Variants in STRBP observed in about 807,000 individuals in gnomAD.
STRBP encodes spermatid perinuclear RNA binding protein.
A neutral mutation model predicts 80.1 loss-of-function variants in STRBP; 13 were observed. The ratio of observed to expected loss-of-function variants is 0.16; its 90% CI spans 0.11 to 0.26. STRBP has a LOEUF of 0.26. Ranked by LOEUF, STRBP falls within the 10% of genes least tolerant of loss-of-function variation. The pLI, the probability that STRBP is intolerant of heterozygous loss-of-function variation, is 1.00. For synonymous variants in STRBP, 284 were observed against 291.2 expected (o/e 0.98, Z 0.25); for missense variants, 485 against 815.2 (o/e 0.59, Z 4.93).
intron 1 of STRBP, among the ~76,000 whole-genome samples, chr9:123,260,451 A>ATG (rs2041136777): frequency 6.6e-6 from 1 of 152,214 alleles, no homozygotes. Context: ...GCACAAAATA[A>ATG]CTTCATGAGG....
chr9:123,157,153 T>C (rs976692118), intron 11 of STRBP, among the ~76,000 whole-genome samples: 2 of 152,190 alleles, frequency 1.3e-5, no homozygotes, highest in Admixed American at 6.5e-5. Flanking sequence ...AACCTACATT[T>C]TTTCTGCTGA....
intron 2 of STRBP, among the ~76,000 whole-genome samples, chr9:123,194,819 A>G (rs982247690): frequency 5.3e-5 from 8 of 152,080 alleles, no homozygotes; most frequent in African/African-American, 1.9e-4. Context: ...CATCTAAGAC[A>G]CCACTCTCTT....
chr9:123,226,508 G>A (rs1350316264), intron 2 of STRBP, among the ~76,000 whole-genome samples: 6 of 152,136 alleles, frequency 3.9e-5, no homozygotes, highest in African/African-American at 1.4e-4. Flanking sequence ...AAGAGATCTT[G>A]CTAAAGGCAC....
intron 2 of STRBP, among the ~76,000 whole-genome samples, chr9:123,212,867 C>T (rs1293363318): frequency 6.6e-6 from 1 of 152,172 alleles, no homozygotes; most frequent in Non-Finnish European, 1.5e-5. Context: ...CAGTATTTCA[C>T]AGATAAAAGG....
chr9:123,202,604 G>T (rs1029755052), intron 2 of STRBP, among the ~76,000 whole-genome samples: 1 of 152,190 alleles, frequency 6.6e-6, no homozygotes, highest in East Asian at 1.9e-4. Context: ...TCCTTTGTAG[G>T]TTATCTGATG....
At chr9:123,232,133 G>A (rs548314225) in intron 2 of STRBP, among the ~76,000 whole-genome samples, 1 of 152,122 alleles carries the variant, frequency 6.6e-6, no homozygotes, top group Non-Finnish European at 1.5e-5. Flanking sequence ...TCAACATGGT[G>A]AAACCTCGGC....
chr9:123,178,974 A>T (rs2038339951), intron 4 of STRBP, 33 bp downstream of exon 4: 1 of 1,592,690 alleles, frequency 6.3e-7, no homozygotes, highest in Non-Finnish European at 8.6e-7. Flanking sequence ...TGTGCACTCT[A>T]GCACAGCGTC....
intron 2 of STRBP, among the ~76,000 whole-genome samples, chr9:123,187,269 A>T (rs1226155490): frequency 1.6e-3 from 40 of 24,698 alleles, no homozygotes; most frequent in Admixed American, 1.9e-3. Flanking sequence ...TCAGCTATTT[A>T]AAAAAAAAAA....
At chr9:123,178,727 A>T (rs1209851383) in intron 4 of STRBP, among the ~76,000 whole-genome samples, 1 of 152,234 alleles carries the variant, frequency 6.6e-6, no homozygotes, top group Non-Finnish European at 1.5e-5. Flanking sequence ...GAAAAAGATC[A>T]TAACTTTGAA....
chr9:123,118,737 C>T (rs920893455), downstream of STRBP, among the ~76,000 whole-genome samples: 3 of 152,188 alleles, frequency 2.0e-5, no homozygotes, highest in Non-Finnish European at 2.9e-5. Flanking sequence ...GTCTACGTAA[C>T]GCAGTTTTTA....
In STRBP at chr9:123,115,842, A is replaced by G; in HGVS notation, c.*84+87T>C. On this transcript the variant is annotated intron_variant and NMD_transcript_variant, in intron 3 of 3. Transcript: ENST00000471564. The surrounding 1 kb of genome is among the most constrained non-coding windows in gnomAD (Gnocchi z 5.0). ...TCTGTCATCGCGGGAGGTGTATTTT[A>G]GCTCAAATTGCCCCACTGGCTTCCC... 1 of 358,998 alleles carries G rather than the reference A, an allele frequency of 2.8e-6. No individual in the cohort carries two copies. The allele number at this position is 358,998 out of a possible 1,614,324, so 22.2% of individuals were successfully genotyped here. A position where few individuals can be genotyped will look rare whatever the true frequency, so the allele number is the denominator to read the frequency against.
chr9:123,210,254 T>A (rs960459459), intron 2 of STRBP, among the ~76,000 whole-genome samples: 1 of 151,870 alleles, frequency 6.6e-6, no homozygotes, highest in African/African-American at 2.4e-5. Context: ...CACAAAAGTA[T>A]AACCATAAAA....
chr9:123,173,621 C>A (rs745662350), intron 5 of STRBP, 56 bp downstream of exon 5: 4 of 1,536,222 alleles, frequency 2.6e-6, no homozygotes, highest in Non-Finnish European at 3.5e-6. Flanking sequence ...TTCAAAGTCA[C>A]TACCTATTTC....
At chr9:123,171,058 C>T (rs758816277) in intron 5 of STRBP, among the ~76,000 whole-genome samples, 12 of 151,962 alleles carry the variant, frequency 7.9e-5, no homozygotes, top group Non-Finnish European at 1.2e-4. Flanking sequence ...AAAGGCCATA[C>T]GTAGATAAAA....
At chr9:123,171,950 CATAA>C (rs547400295) in intron 5 of STRBP, among the ~76,000 whole-genome samples, 353 of 152,268 alleles carry the variant, frequency 2.3e-3, no homozygotes, top group African/African-American at 7.1e-3. Context: ...CTGCGATGCT[CATAA>C]ATAAAGACCC....
chr9:123,220,295 C>G (rs2040026754), intron 2 of STRBP, among the ~76,000 whole-genome samples: 1 of 152,192 alleles, frequency 6.6e-6, no homozygotes, highest in Non-Finnish European at 1.5e-5. Context: ...TGTACTTACA[C>G]AAACCTAGAT....
intron 6 of STRBP, among the ~76,000 whole-genome samples, chr9:123,161,669 A>G (rs998120950): frequency 4.6e-5 from 7 of 152,232 alleles, no homozygotes; most frequent in African/African-American, 1.7e-4. Context: ...ATTCTAAACC[A>G]AAATTATTAA....
intron 2 of STRBP, among the ~76,000 whole-genome samples, chr9:123,195,037 G>T (rs2039046391): frequency 6.6e-6 from 1 of 152,086 alleles, no homozygotes; most frequent in South Asian, 2.1e-4. Flanking sequence ...ATATGGACCT[G>T]AGTTCCAAAT....
At chr9:123,186,866 C>A (rs989985941) in intron 2 of STRBP, among the ~76,000 whole-genome samples, 1 of 145,626 alleles carries the variant, frequency 6.9e-6, no homozygotes, top group Admixed American at 6.8e-5. Context: ...GGATAAAATT[C>A]TGGTCTTAAA....
Sources: gnomAD v4.1 joint callset for allele counts (sites outside exome capture counted in the v4.1 genomes callset) on GRCh38, gnomAD v4.1.1 for gene constraint, Gnocchi (gnomAD v3.1) non-coding constraint, MANE v1.5 for transcripts, NCBI Gene and HGNC (gene_info 2026-07-23, HGNC 2026-07-21) for gene names.